The following SPINK7 variants were observed in gnomAD, a reference collection of about 807,000 sequenced individuals.
SPINK7 encodes the protein serine protease inhibitor Kazal-type 7.
A neutral mutation model predicts 11.6 loss-of-function variants in SPINK7; 8 were observed. The ratio of observed to expected loss-of-function variants is 0.69; its 90% CI spans 0.41 to 1.25. The LOEUF is 1.25. Ranked by LOEUF, SPINK7 falls within the 50% of genes most tolerant of loss-of-function variation. The pLI is 0.01. For missense variants in SPINK7, 113 were observed against 99.3 expected (o/e 1.14, Z -0.58); for synonymous variants, 38 against 35.3 (o/e 1.08, Z -0.27).
rs1204041651 is a variant in SPINK7 at position 148,314,302 on chromosome 5, G to A, written c.212+78G>A. Reference sequence around the variant, plus strand: ...AAACGCTTCTACTTTCCAGGATCCAGCTTAAATCTCTATAAGCTGTAATTT... The same window carrying A: ...AAACGCTTCTACTTTCCAGGATCCAACTTAAATCTCTATAAGCTGTAATTT... On this transcript the variant is annotated intron_variant, in intron 3 of 3. Coordinates refer to ENST00000274565, the MANE Select transcript of SPINK7 (RefSeq NM_032566.3). 4 of 1,498,014 alleles carry A rather than the reference G, an allele frequency of 2.7e-6. No individual in the cohort carries two copies. The African/African-American group carries it at 5.6e-5, about 21-fold the overall frequency. The allele number at this position is 1,498,014 out of a possible 1,614,324, so 92.8% of individuals were successfully genotyped here. A position where few individuals can be genotyped will look rare whatever the true frequency, so the allele number is the denominator to read the frequency against.
chr5:148,315,815 T>C lies in SPINK7; in HGVS notation c.*131T>C. ...GACAGAGCCAGATTCAGAGTAATCT[T>C]GACTGAATGGAGAAAGTTTCTGTGC... On this transcript the variant is annotated 3_prime_UTR_variant, in exon 4 of 4. Transcript: ENST00000274565. The C allele has an allele frequency of 1.8e-6, 1 of 550,538 alleles. No homozygotes were observed. The highest frequency in any genetic ancestry group is 3.3e-6 in the Non-Finnish European group (1 of 301,438). 34.1% of individuals were successfully genotyped at this position (550,538 alleles called of 1,614,324 possible).
intron 1 of SPINK7, 116 bp downstream of exon 1, chr5:148,312,660 G>C: frequency 1.6e-6 from 1 of 643,810 alleles, no homozygotes. Flanking sequence ...AAGTGTACTG[G>C]TTTGTAATAG....
At chr5:148,313,526 T>A in intron 2 of SPINK7, 127 bp downstream of exon 2, 2 of 552,290 alleles carry the variant, frequency 3.6e-6, no homozygotes, top group Non-Finnish European at 6.4e-6. Context: ...AAATGGTACC[T>A]GTTCTCCAGA....
At chr5:148,314,565 A>G (rs1206862341) in intron 3 of SPINK7, 9 of 273,746 alleles carry the variant, frequency 3.3e-5, no homozygotes, top group African/African-American at 1.9e-4. Flanking sequence ...TAAAGGGACT[A>G]TTTGGGGTAG....
intron 2 of SPINK7, 70 bp from the exon 3 acceptor site, chr5:148,314,030 T>C (rs1756896345): frequency 2.5e-6 from 4 of 1,597,066 alleles, no homozygotes; most frequent in African/African-American, 1.3e-5. Flanking sequence ...CCAGCCCTTG[T>C]AGTATATCTA....
chr5:148,313,704 G>T (rs1756891941), intron 2 of SPINK7: 3 of 395,774 alleles, frequency 7.6e-6, no homozygotes, highest in South Asian at 1.3e-4. Context: ...CTGATAAATT[G>T]CACAGGCTCT....
At chr5:148,315,164 G>T (rs990800310) in intron 3 of SPINK7, among the ~76,000 whole-genome samples, 1 of 152,130 alleles carries the variant, frequency 6.6e-6, no homozygotes, top group African/African-American at 2.4e-5. Flanking sequence ...TCCTATTTGG[G>T]AGGTTTTATT....
At chr5:148,312,994 A>G (rs1222851041) in intron 1 of SPINK7, among the ~76,000 whole-genome samples, 9 of 152,060 alleles carry the variant, frequency 5.9e-5, no homozygotes, top group South Asian at 2.1e-4. Context: ...AAGACATTCA[A>G]TTGCATTTCT....
Position 148,314,157 on chromosome 5 carries a change from T to C in SPINK7, c.145T>C (p.Tyr49His). The change falls in exon 3 of 4, where the codon TAC becomes CAC. Residue 49 changes from tyrosine (Y) to histidine (H), a missense_variant. By Grantham distance (83) the Tyr-to-His change is moderately conservative. Coordinates refer to ENST00000274565, the MANE Select transcript of SPINK7 (RefSeq NM_032566.3). ...PVVAIPCPIT[Y>H]LPVCGSDYIT... Reference sequence around the variant, plus strand: ...GGTGGCCATCCCCTGCCCCATCACATACCTACCAGTTTGTGGTTCTGACTA... The same window carrying C: ...GGTGGCCATCCCCTGCCCCATCACACACCTACCAGTTTGTGGTTCTGACTA... The C allele has an allele frequency of 6.2e-7, 1 of 1,613,658 alleles. No individual in the cohort carries two copies. Among genetic ancestry groups the C allele is most frequent in the East Asian group, 2.2e-5 (1 of 44,868 alleles).
Position 148,313,392 on chromosome 5 carries a change from C to CA in SPINK7, c.87dup (p.Val30SerfsTer27). 1 of 1,597,722 alleles carries CA rather than the reference C, an allele frequency of 6.3e-7. No homozygotes were observed. The highest frequency in any genetic ancestry group is 1.3e-5 in the African/African-American group (1 of 74,280). On this transcript the variant is annotated frameshift_variant, in exon 2 of 4. Coordinates refer to ENST00000274565, the MANE Select transcript of SPINK7 (RefSeq NM_032566.3). LOFTEE classifies it high-confidence loss of function. ...TTTTCAGAAGCTGCTAGTCTGTCTCCAAAAAAAGTAAGTATGTTGAATAAC... is the reference window on the plus strand; with the variant it reads ...TTTTCAGAAGCTGCTAGTCTGTCTCCAAAAAAAAGTAAGTATGTTGAATAAC...
chr5:148,312,997 G>C (rs1756880666), intron 1 of SPINK7, among the ~76,000 whole-genome samples: 1 of 151,998 alleles, frequency 6.6e-6, no homozygotes, highest in South Asian at 2.1e-4. Context: ...ACATTCAATT[G>C]CATTTCTTTA....
At chr5:148,314,296 G>A in intron 3 of SPINK7, 72 bp downstream of exon 3, 1 of 1,534,840 alleles carries the variant, frequency 6.5e-7, no homozygotes, top group Non-Finnish European at 9.0e-7. Context: ...TACTTTCCAG[G>A]ATCCAGCTTA....
At chr5:148,314,276 C>CA in intron 3 of SPINK7, 52 bp downstream of exon 3, 1 of 1,590,708 alleles carries the variant, frequency 6.3e-7, no homozygotes, top group East Asian at 2.2e-5. Context: ...CTCTCTACTA[C>CA]AAACGCTTCT....
At chr5:148,312,708 C>A (rs1008014274) in intron 1 of SPINK7, among the ~76,000 whole-genome samples, 164 bp downstream of exon 1, 1 of 152,010 alleles carries the variant, frequency 6.6e-6, no homozygotes, top group African/African-American at 2.4e-5. Context: ...AGACTTGAGT[C>A]CAATGTCTTC....
rs17719662 is a variant in SPINK7 at position 148,313,639 on chromosome 5, A to G, written c.87+240A>G. The G allele has an allele frequency of 0.34, 137,989 of 401,084 alleles. 28,035 individuals are homozygous for G. Among genetic ancestry groups the G allele is most frequent in the African/African-American group, 0.65 (31,802 of 48,568 alleles). 24.8% of individuals were successfully genotyped at this position (401,084 alleles called of 1,614,324 possible). A position where few individuals can be genotyped will look rare whatever the true frequency, so the allele number is the denominator to read the frequency against. On this transcript the variant is annotated intron_variant, in intron 2 of 3. Coordinates refer to ENST00000274565, the MANE Select transcript of SPINK7 (RefSeq NM_032566.3). ...AGGGAGAACCGCCTTCCAGCTGAGA[A>G]GTTGGTGATGTTTTCATAAAAGGCA...
Position 148,313,399 on chromosome 5 carries a change from A to T in SPINK7, c.87A>T (p.Lys29Asn). The T allele has an allele frequency of 1.3e-6, 2 of 1,598,888 alleles. No individual in the cohort carries two copies. The highest frequency in any genetic ancestry group is 1.7e-6 in the Non-Finnish European group (2 of 1,168,944). The change falls in exon 2 of 4, where the codon AAA becomes AAT. Residue 29 changes from lysine to asparagine, a missense_variant and splice_region_variant. Lys to Asn is a moderately conservative substitution (Grantham distance 94). Transcript: ENST00000274565. ...AAGCTGCTAGTCTGTCTCCAAAAAA[A>T]GTAAGTATGTTGAATAACATTTTAA... Reference protein sequence around the residue: ...SSEAASLSPKKVDCSIYKKYP... With the variant: ...SSEAASLSPKNVDCSIYKKYP...
intron 3 of SPINK7, 134 bp downstream of exon 3, chr5:148,314,358 G>A: frequency 9.5e-7 from 1 of 1,055,436 alleles, no homozygotes; most frequent in African/African-American, 1.6e-5. Context: ...CAGCAGGTGG[G>A]GATAGAAAAC....
intron 2 of SPINK7, 121 bp downstream of exon 2, chr5:148,313,520 G>A (rs776859550): frequency 1.7e-6 from 1 of 586,164 alleles, no homozygotes; most frequent in Non-Finnish European, 3.0e-6. Context: ...ATGGAGAAAT[G>A]GTACCTGTTC....
At position 148,314,228 on chromosome 5, in the gene SPINK7, A is replaced by T. The variant is rs919022582; in HGVS notation, c.212+4A>T. On this transcript the variant is annotated splice_donor_region_variant and intron_variant, in intron 3 of 3. Transcript: ENST00000274565. ...GTCACTTGTGTACCGAGAGCTTGTG[A>T]GTACCTCATAAGAAGAAAATGAGAT... 1.9e-5 allele frequency: 30 copies of T among 1,613,584 alleles called. No individual in the cohort carries two copies. Among genetic ancestry groups the T allele is most frequent in the Non-Finnish European group, 2.5e-5 (29 of 1,179,624 alleles).
Sources: allele counts gnomAD v4.1 joint callset (sites outside exome capture counted in the v4.1 genomes callset), GRCh38; gene constraint gnomAD v4.1.1; transcripts MANE v1.5; gene names NCBI Gene and HGNC (gene_info 2026-07-23, HGNC 2026-07-21).